SCMH1: variants seen among roughly 807,000 people sequenced by gnomAD.
SCMH1 encodes the protein Scm polycomb group protein homolog 1, also known as polycomb protein SCMH1.
In SCMH1, 37 loss-of-function variants were observed where a neutral mutation model predicts 70.8. That is an observed-to-expected ratio of 0.52 (90% confidence interval 0.40 to 0.69). SCMH1 has a LOEUF of 0.69. Among genes scored for constraint, SCMH1 ranks in the 30% least tolerant of loss-of-function variants. The probability of loss-of-function intolerance (pLI) is 0.00; values close to 1 mark genes in which losing one functional copy is unlikely to be tolerated. For missense variants in SCMH1, 607 were observed against 827.3 expected, an observed-to-expected ratio of 0.73 and a Z score of 3.27; for synonymous variants, 292 against 307.4, an observed-to-expected ratio of 0.95 and a Z score of 0.52.
chr1:41,069,682 C>G (rs1190412967), intron 10 of SCMH1, among the ~76,000 whole-genome samples: 2 of 152,146 alleles, frequency 1.3e-5, no homozygotes, highest in African/African-American at 2.4e-5. Flanking sequence ...AGATTATAAA[C>G]TGAGGCTCAG....
At chr1:41,040,772 G>A (rs1646033917) in intron 12 of SCMH1, among the ~76,000 whole-genome samples, 1 of 152,202 alleles carries the variant, frequency 6.6e-6, no homozygotes, top group Non-Finnish European at 1.5e-5. Flanking sequence ...GCTGAGGTAG[G>A]AGAATCGCTT....
intron 8 of SCMH1, among the ~76,000 whole-genome samples, chr1:41,084,599 C>A (rs1389922362): frequency 6.6e-6 from 1 of 151,992 alleles, no homozygotes; most frequent in African/African-American, 2.4e-5. Context: ...ACTAGAAATA[C>A]CATTTGACCC....
chr1:41,049,473 TA>T (rs915577733), intron 10 of SCMH1, among the ~76,000 whole-genome samples: 157 of 144,550 alleles, frequency 1.1e-3, no homozygotes, highest in African/African-American at 1.9e-3. Context: ...AAAATTGGAT[TA>T]AAAAAAAAAA....
intron 8 of SCMH1, among the ~76,000 whole-genome samples, chr1:41,077,211 G>A (rs1658556403): frequency 6.6e-6 from 1 of 152,186 alleles, no homozygotes; most frequent in East Asian, 1.9e-4. Flanking sequence ...GGTGGCCTCT[G>A]AGGTAGCTGA....
chr1:41,206,938 C>G (rs1162226608), intron 1 of SCMH1, among the ~76,000 whole-genome samples: 2 of 152,166 alleles, frequency 1.3e-5, no homozygotes, highest in Admixed American at 6.5e-5. Flanking sequence ...TCCCGCCAAA[C>G]TAAGCTTCAT....
At chr1:41,127,219 A>G (rs1239679076) in intron 6 of SCMH1, among the ~76,000 whole-genome samples, 3 of 151,970 alleles carry the variant, frequency 2.0e-5, no homozygotes, top group Non-Finnish European at 2.9e-5. Flanking sequence ...AAATTTTTCT[A>G]TTTTTCTATT....
At chr1:41,191,955 T>G (rs1651812365) in intron 1 of SCMH1, among the ~76,000 whole-genome samples, 1 of 152,180 alleles carries the variant, frequency 6.6e-6, no homozygotes, top group Admixed American at 6.5e-5. Flanking sequence ...TGAAAGTCAC[T>G]GCTAATCTAT....
At chr1:41,210,960 C>T (rs906546080) in intron 1 of SCMH1, among the ~76,000 whole-genome samples, 1 of 152,098 alleles carries the variant, frequency 6.6e-6, no homozygotes, top group Non-Finnish European at 1.5e-5. Context: ...CAGGCACACA[C>T]CACCATGCCC....
At chr1:41,120,286 T>C (rs1016847147) in intron 6 of SCMH1, among the ~76,000 whole-genome samples, 7 of 152,206 alleles carry the variant, frequency 4.6e-5, no homozygotes, top group Non-Finnish European at 8.8e-5. Context: ...TACAATATTA[T>C]CATAATAGTT....
At chr1:41,145,595 C>T (rs1297346842) in intron 5 of SCMH1, among the ~76,000 whole-genome samples, 1 of 152,130 alleles carries the variant, frequency 6.6e-6, no homozygotes, top group African/African-American at 2.4e-5. Context: ...GCAAAAAAGG[C>T]AGCTGGGATT....
intron 1 of SCMH1, among the ~76,000 whole-genome samples, chr1:41,189,166 T>C (rs1178971343): frequency 1.3e-5 from 2 of 152,188 alleles, no homozygotes; most frequent in South Asian, 4.1e-4. Context: ...TACTTTGTTT[T>C]GAGACGGAGT....
rs75150981 is a variant in SCMH1 at position 41,130,133 on chromosome 1, G to A, written c.412+12745C>T. ...AATTGGCCATTTGTACATCTTCTTT[G>A]GAAAAAAATATATTCAAGTCCTTTG... On this transcript the variant is annotated intron_variant, in intron 6 of 14. Transcript: ENST00000337495. Among the ~76,000 whole-genome samples the A allele has an allele frequency of 3.6e-3, 552 of 151,894 alleles. 28 individuals are homozygous for A. The East Asian group carries it at 0.096, about 27-fold the overall frequency.
intron 10 of SCMH1, among the ~76,000 whole-genome samples, chr1:41,052,451 C>T (rs1396239548): frequency 1.3e-5 from 2 of 152,174 alleles, no homozygotes; most frequent in Non-Finnish European, 2.9e-5. Context: ...TGAAACCATC[C>T]CCCATGCCAC....
At chr1:41,050,791 C>A (rs1042714412) in intron 10 of SCMH1, among the ~76,000 whole-genome samples, 74 of 152,092 alleles carry the variant, frequency 4.9e-4, no homozygotes, top group African/African-American at 1.6e-3. Flanking sequence ...ATGAGAACCA[C>A]GCTCTCATAA....
chr1:41,217,372 G>A (rs1272286329), intron 1 of SCMH1, among the ~76,000 whole-genome samples: 2 of 152,180 alleles, frequency 1.3e-5, no homozygotes, highest in African/African-American at 4.8e-5. Context: ...AGTAAAATGT[G>A]AGAGGAAAGA....
At chr1:41,231,847 T>A (rs1259788764) in intron 1 of SCMH1, among the ~76,000 whole-genome samples, 1 of 151,654 alleles carries the variant, frequency 6.6e-6, no homozygotes, top group Non-Finnish European at 1.5e-5. Context: ...ATAGCGAAAC[T>A]CGGTCTCTAT....
chr1:41,161,633 C>A, intron 2 of SCMH1: 1 of 185,060 alleles, frequency 5.4e-6, no homozygotes, highest in Non-Finnish European at 1.0e-5. Context: ...AAAAGGAACA[C>A]CTAAATGTTC....
At chr1:41,104,749 G>A (rs527736652) in intron 8 of SCMH1, among the ~76,000 whole-genome samples, 17 of 152,234 alleles carry the variant, frequency 1.1e-4, no homozygotes, top group African/African-American at 3.6e-4. Flanking sequence ...TGCCAAACCT[G>A]TAGAGACCAC....
intron 9 of SCMH1, among the ~76,000 whole-genome samples, chr1:41,073,460 G>A (rs1232157712): frequency 6.6e-6 from 1 of 152,202 alleles, no homozygotes; most frequent in Non-Finnish European, 1.5e-5. Context: ...ACATGAGAAT[G>A]AGAGGTGGGT....
Sources: allele counts gnomAD v4.1 joint callset (sites outside exome capture counted in the v4.1 genomes callset), GRCh38; gene constraint gnomAD v4.1.1; transcripts MANE v1.5; gene names NCBI Gene and HGNC (gene_info 2026-07-23, HGNC 2026-07-21).